The following ZNF407 variants were observed in gnomAD, a reference collection of about 807,000 sequenced individuals.
ZNF407 encodes zinc finger protein 407.
ZNF407 carries 17 observed loss-of-function variants against 131.2 expected under a neutral mutation model. That is an observed-to-expected ratio of 0.13 (90% CI 0.09 to 0.19). The LOEUF (loss-of-function observed/expected upper bound fraction) is 0.19. Ranked by LOEUF, ZNF407 falls within the 10% of genes least tolerant of loss-of-function variation. The probability of loss-of-function intolerance (pLI) is 1.00; values close to 1 mark genes in which losing one functional copy is unlikely to be tolerated. For synonymous variants in ZNF407, 1,156 were observed against 1,062.0 expected, an observed-to-expected ratio of 1.09 and a Z score of -1.72; for missense variants, 2,681 against 2,830.6, an observed-to-expected ratio of 0.95 and a Z score of 1.20.
intron 4 of ZNF407, among the ~76,000 whole-genome samples, chr18:74,857,280 G>A (rs1468648734): frequency 6.6e-6 from 1 of 152,114 alleles, no homozygotes; most frequent in Non-Finnish European, 1.5e-5. Context: ...TGAATAATTT[G>A]TTTTCTTCTG....
At chr18:74,827,550 A>G (rs1374182855) in intron 4 of ZNF407, among the ~76,000 whole-genome samples, 1 of 151,592 alleles carries the variant, frequency 6.6e-6, no homozygotes, top group African/African-American at 2.4e-5. Context: ...TGTCCTTTTG[A>G]TGTGTCTCCA....
At chr18:74,841,605 C>T (rs893419235) in intron 4 of ZNF407, among the ~76,000 whole-genome samples, 1 of 152,092 alleles carries the variant, frequency 6.6e-6, no homozygotes, top group Non-Finnish European at 1.5e-5. Flanking sequence ...CGTAAAAGGC[C>T]CTTAGTGAAT....
intron 8 of ZNF407, among the ~76,000 whole-genome samples, chr18:74,982,571 A>G (rs1568291097): frequency 1.3e-5 from 2 of 152,216 alleles, no homozygotes; most frequent in South Asian, 2.1e-4. Context: ...CTTGCTACTC[A>G]TCAGGGATGC....
rs868387747 is a variant in ZNF407, at chr18:74,711,957, G to A, written c.4803-69471G>A. 5.3e-5 allele frequency among the ~76,000 whole-genome samples: 8 copies of A among 152,274 alleles called. No homozygotes were observed. In the East Asian group the frequency reaches 1.4e-3, roughly 26 times the overall value. On this transcript the variant is annotated intron_variant, in intron 3 of 8. Coordinates refer to ENST00000299687, the MANE Select transcript of ZNF407 (RefSeq NM_017757.3). ...ACTCCCAAACTCAAGTGACCCACCC[G>A]CCTCGGCCTCCCAAAGTGCTGGGAT...
chr18:74,847,902 C>T (rs1055849720), intron 4 of ZNF407, among the ~76,000 whole-genome samples: 8 of 150,980 alleles, frequency 5.3e-5, no homozygotes, highest in Non-Finnish European at 1.0e-4. Context: ...CCTTCTCTCA[C>T]GTTGGGAACC....
At chr18:74,747,603 T>C (rs927920695) in intron 3 of ZNF407, among the ~76,000 whole-genome samples, 2 of 152,120 alleles carry the variant, frequency 1.3e-5, no homozygotes, top group African/African-American at 4.8e-5. Context: ...ATGGATTGTG[T>C]GTATGTGTGT....
At chr18:75,052,463 G>T (rs899909000) in intron 8 of ZNF407, among the ~76,000 whole-genome samples, 1 of 152,124 alleles carries the variant, frequency 6.6e-6, no homozygotes, top group Admixed American at 6.5e-5. Flanking sequence ...CCGTCTTCCG[G>T]TCCTCCCATG....
intron 4 of ZNF407, among the ~76,000 whole-genome samples, chr18:74,819,511 A>G (rs532783801): frequency 2.2e-4 from 34 of 152,242 alleles, no homozygotes; most frequent in East Asian, 1.5e-3. Context: ...CTGAATTTCT[A>G]ATGGGCTTTC....
Position 74,632,724 on chromosome 18 carries a change from A to G in ZNF407, c.1705A>G (p.Arg569Gly), listed in dbSNP as rs755012672. 1.9e-6 allele frequency: 3 copies of G among 1,614,078 alleles called. No individual in the cohort carries two copies. In the East Asian group the frequency reaches 6.7e-5, roughly 36 times the overall value. The change falls in exon 2 of 9, where the codon AGA becomes GGA. Residue 569 changes from arginine to glycine, a missense_variant. Arg to Gly is a moderately radical substitution (Grantham distance 125). Coordinates refer to ENST00000299687, the MANE Select transcript of ZNF407 (RefSeq NM_017757.3). ...CRTCDFSSMSRRDLDEHLHSN... is the reference protein window; with the variant it reads ...CRTCDFSSMSGRDLDEHLHSN... The stretch of plus-strand genomic sequence containing the variant: ...TACTTGTGACTTCTCTAGTATGTCA[A>G]GAAGGGACTTAGATGAACATTTGCA...
intron 4 of ZNF407, among the ~76,000 whole-genome samples, chr18:74,862,063 A>G (rs373389030): frequency 6.6e-6 from 1 of 152,236 alleles, no homozygotes; most frequent in Admixed American, 6.5e-5. Flanking sequence ...TACCCACTGG[A>G]TAAGACTTAG....
At chr18:75,053,287 T>C (rs1416649793) in intron 8 of ZNF407, among the ~76,000 whole-genome samples, 2 of 152,180 alleles carry the variant, frequency 1.3e-5, no homozygotes, top group Non-Finnish European at 2.9e-5. Context: ...GTGCACCAGG[T>C]GGACAGGACC....
In ZNF407 at chr18:75,064,253, G is replaced by T. The variant is rs1295780891; in HGVS notation, c.6532G>T (p.Gly2178Trp). 2.5e-6 allele frequency: 4 copies of T among 1,606,786 alleles called. No individual in the cohort carries two copies. The African/African-American group carries it at 4.0e-5, about 16-fold the overall frequency. ...THYILTELPP[G>W]VQDEPGLYSH... ...CTACATCCTGACAGAGCTGCCCCCAGGGGTGCAGGACGAGCCGGGCCTGTA... is the reference window on the plus strand; with the variant it reads ...CTACATCCTGACAGAGCTGCCCCCATGGGTGCAGGACGAGCCGGGCCTGTA... Residue 2178 changes from glycine to tryptophan, a missense_variant, in exon 9 of 9, where the codon GGG (glycine) becomes TGG (tryptophan). Physicochemically the swap from Gly to Trp is radical, Grantham distance 184 (BLOSUM62 -2). Transcript: ENST00000299687.
chr18:74,599,181 C>T (rs536862774), intron 1 of ZNF407, among the ~76,000 whole-genome samples: 2 of 152,158 alleles, frequency 1.3e-5, no homozygotes, highest in Non-Finnish European at 2.9e-5. Context: ...GAATTATTCC[C>T]TTTTTACAAA....
At chr18:74,750,952 T>C (rs1462740523) in intron 3 of ZNF407, among the ~76,000 whole-genome samples, 1 of 152,218 alleles carries the variant, frequency 6.6e-6, no homozygotes, top group Non-Finnish European at 1.5e-5. Context: ...AGCAACTTTT[T>C]ATGTGCTTTA....
chr18:74,792,514 A>C (rs1474590052), intron 4 of ZNF407, among the ~76,000 whole-genome samples: 3 of 150,444 alleles, frequency 2.0e-5, no homozygotes, highest in Non-Finnish European at 4.4e-5. Flanking sequence ...AGTCTTCTAA[A>C]ATTTATGCCT....
At chr18:74,612,594 G>C (rs1428273666) in intron 1 of ZNF407, among the ~76,000 whole-genome samples, 1 of 152,156 alleles carries the variant, frequency 6.6e-6, no homozygotes, top group African/African-American at 2.4e-5. Flanking sequence ...ATATGAAAAA[G>C]AAGACTGGAT....
chr18:74,668,191 G>A (rs747882201), intron 3 of ZNF407, among the ~76,000 whole-genome samples: 21 of 152,110 alleles, frequency 1.4e-4, no homozygotes, highest in Admixed American at 4.6e-4. Context: ...TCCAGACACT[G>A]TCCAAACTTT....
At chr18:74,853,913 G>A (rs1047570095) in intron 4 of ZNF407, among the ~76,000 whole-genome samples, 15 of 152,186 alleles carry the variant, frequency 9.9e-5, no homozygotes, top group Non-Finnish European at 2.1e-4. Flanking sequence ...AGAAGTCATG[G>A]TAAAGAATTG....
intron 3 of ZNF407, among the ~76,000 whole-genome samples, chr18:74,646,075 A>G (rs1242733426): frequency 6.6e-6 from 1 of 152,238 alleles, no homozygotes; most frequent in Non-Finnish European, 1.5e-5. Flanking sequence ...GCAGATAAAC[A>G]CAAGTGGCAA....
Sources: gnomAD v4.1 joint callset for allele counts (sites outside exome capture counted in the v4.1 genomes callset) on GRCh38, gnomAD v4.1.1 for gene constraint, MANE v1.5 for transcripts, NCBI Gene and HGNC (gene_info 2026-07-23, HGNC 2026-07-21) for gene names.